The following HSDL1 variants were observed in gnomAD, a reference collection of about 807,000 sequenced individuals.
HSDL1 encodes the protein hydroxysteroid dehydrogenase like 1.
A neutral mutation model predicts 31.5 loss-of-function variants in HSDL1; 29 were observed. The ratio of observed to expected loss-of-function variants is 0.92; its 90% confidence interval spans 0.69 to 1.26. The LOEUF (loss-of-function observed/expected upper bound fraction) is 1.26. HSDL1 is among the 50% of genes most tolerant of loss of function. HSDL1 has a pLI of 0.00. For missense variants in HSDL1, 503 were observed against 416.6 expected (o/e 1.21, Z -1.81); for synonymous variants, 222 against 155.2 (o/e 1.43, Z -3.20).
Position 84,129,595 on chromosome 16 carries a change from G to C in HSDL1, c.847C>G (p.Leu283Val). 1 of 1,614,194 alleles carries C rather than the reference G, an allele frequency of 6.2e-7. No homozygotes were observed. The highest frequency in any genetic ancestry group is 1.3e-5 in the African/African-American group (1 of 75,052). ...CCTGTGGTCCTTTTGGAAATCCCAA[G>C]AGTAGAAACAGCATGATGTGCATAG... ...KVYAHHAVST[L>V]GISKRTTGYW... Residue 283 changes from leucine to valine, a missense_variant, in exon 5 of 6, where the codon CTT becomes GTT. Physicochemically the swap from Leu to Val is conservative, Grantham distance 32. Coordinates refer to ENST00000219439, the MANE Select transcript of HSDL1 (RefSeq NM_031463.5).
intron 5 of HSDL1, 119 bp from the exon 6 acceptor site, chr16:84,124,847 CAACA>C: frequency 1.6e-6 from 1 of 632,836 alleles, no homozygotes; most frequent in South Asian, 1.8e-5. Context: ...CAATCAATCA[CAACA>C]AATACCCACC....
chr16:84,125,524 C>T (rs1197909269), intron 5 of HSDL1, among the ~76,000 whole-genome samples: 1 of 150,766 alleles, frequency 6.6e-6, no homozygotes, highest in Non-Finnish European at 1.5e-5. Context: ...CAATAAATAC[C>T]CACCGATCAA....
rs904950802 is a variant in HSDL1, at chr16:84,135,585, C to T, written c.-48G>A. The T allele has an allele frequency of 4.6e-5, 7 of 152,194 alleles. No individual in the cohort carries two copies. Among genetic ancestry groups the T allele is most frequent in the African/African-American group, 7.2e-5 (3 of 41,442 alleles). 9.4% of individuals were successfully genotyped at this position (152,194 alleles called of 1,614,324 possible). A position where few individuals can be genotyped will look rare whatever the true frequency, so the allele number is the denominator to read the frequency against. ...CTGGGCCGTCAGCAGTATGTGGCTC[C>T]GTCCTTCTCTTAAGGCCAATCTGTG... On this transcript the variant is annotated 5_prime_UTR_variant, in exon 2 of 6. Coordinates refer to ENST00000219439, the MANE Select transcript of HSDL1 (RefSeq NM_031463.5).
Position 84,136,836 on chromosome 16 carries a change from T to G in HSDL1, c.-68-1231A>C, listed in dbSNP as rs539799782. On this transcript the variant is annotated intron_variant, in intron 1 of 5. Coordinates refer to ENST00000219439, the MANE Select transcript of HSDL1 (RefSeq NM_031463.5). The stretch of plus-strand genomic sequence containing the variant: ...GGGGCTGATGGCATTCAAGGTCTGG[T>G]CCTCAGCCTTGATGGATAGAAACCC... Among the ~76,000 whole-genome samples, 4 of 152,330 alleles carry G rather than the reference T, an allele frequency of 2.6e-5. No individual in the cohort carries two copies. The East Asian group carries it at 7.7e-4, about 29-fold the overall frequency.
chr16:84,130,441 A>G lies in HSDL1; in HGVS notation c.221-10T>C. ...ATCCCATCTGTTGCACCTAGGATGC[A>G]AGTCAGGAAAAGTGAGCATGTGTAT... On this transcript the variant is annotated splice_polypyrimidine_tract_variant and intron_variant, in intron 3 of 5. Transcript: ENST00000219439. 1 of 1,591,994 alleles carries G rather than the reference A, an allele frequency of 6.3e-7. No individual in the cohort carries two copies. Among genetic ancestry groups the G allele is most frequent in the South Asian group, 1.1e-5 (1 of 87,920 alleles).
At chr16:84,134,566 T>G (rs2086696213) in intron 2 of HSDL1, among the ~76,000 whole-genome samples, 1 of 151,784 alleles carries the variant, frequency 6.6e-6, no homozygotes, top group African/African-American at 2.4e-5. Flanking sequence ...GAGCCAAGAT[T>G]GCACCACTGC....
chr16:84,141,091 AAAC>A (rs1368515069), intron 1 of HSDL1, among the ~76,000 whole-genome samples: 4 of 143,820 alleles, frequency 2.8e-5, no homozygotes, highest in African/African-American at 1.2e-4. Context: ...ACTCCGTCTC[AAAC>A]AAAAAAAAAA....
At chr16:84,140,830 G>A (rs1348958584) in intron 1 of HSDL1, among the ~76,000 whole-genome samples, 1 of 152,062 alleles carries the variant, frequency 6.6e-6, no homozygotes, top group Non-Finnish European at 1.5e-5. Flanking sequence ...CTGGCCGGGC[G>A]CGGTGGCTCA....
rs189173539 is a variant in HSDL1, at chr16:84,141,965, T to C, written c.-69+3115A>G. Among the ~76,000 whole-genome samples the C allele has an allele frequency of 5.3e-5, 8 of 152,376 alleles. No homozygotes were observed. In the East Asian group the frequency reaches 1.3e-3, roughly 26 times the overall value. Reference sequence around the variant, plus strand: ...ATTATTGAGACAAGGTCTGGCTCTATTGCCCAGCCTGATGTGCAGTGGCAT... The same window carrying C: ...ATTATTGAGACAAGGTCTGGCTCTACTGCCCAGCCTGATGTGCAGTGGCAT... On this transcript the variant is annotated intron_variant, in intron 1 of 5. Coordinates refer to ENST00000219439, the MANE Select transcript of HSDL1 (RefSeq NM_031463.5).
rs552959649 is a variant in HSDL1 at position 84,131,527 on chromosome 16, A to G, written c.-6-200T>C. Among the ~76,000 whole-genome samples, 28 of 149,336 alleles carry G rather than the reference A, an allele frequency of 1.9e-4. No homozygotes were observed. The East Asian group carries it at 5.5e-3, about 29-fold the overall frequency. On this transcript the variant is annotated intron_variant, in intron 2 of 5. Coordinates refer to ENST00000219439, the MANE Select transcript of HSDL1 (RefSeq NM_031463.5). Reference sequence around the variant, plus strand: ...TATCTATCTATCTATCTATCTATCTATCTATCAGACAGAGTCTCACCCTGT... The same window carrying G: ...TATCTATCTATCTATCTATCTATCTGTCTATCAGACAGAGTCTCACCCTGT...
Position 84,124,363 on chromosome 16 carries a change from C to T in HSDL1, c.*267G>A. ...CTGTGGCTCTAGAACAACAGAAAAG[C>T]GTAACTTTCAAACAGCTTAGGGAAA... is the stretch of plus-strand genomic sequence containing the variant. On this transcript the variant is annotated 3_prime_UTR_variant, in exon 6 of 6. Coordinates refer to ENST00000219439, the MANE Select transcript of HSDL1 (RefSeq NM_031463.5). 1 of 280,490 alleles carries T rather than the reference C, an allele frequency of 3.6e-6. No homozygotes were observed. The highest frequency in any genetic ancestry group is 6.9e-6 in the Non-Finnish European group (1 of 145,316). 17.4% of individuals were successfully genotyped at this position (280,490 alleles called of 1,614,324 possible).
chr16:84,145,169 C>T lies in HSDL1; in HGVS notation c.-158G>A, dbSNP rs1181104619. 4 of 253,630 alleles carry T rather than the reference C, an allele frequency of 1.6e-5. No homozygotes were observed. Among genetic ancestry groups the T allele is most frequent in the East Asian group, 1.6e-4 (2 of 12,542 alleles). 15.7% of individuals were successfully genotyped at this position (253,630 alleles called of 1,614,324 possible). ...GGCCGCCGGAGCTGCTGCCGCGCCG[C>T]GCCCTCACGTGACCCGCGTACGCGC... On this transcript the variant is annotated 5_prime_UTR_variant, in exon 1 of 6. Transcript: ENST00000219439.
chr16:84,132,117 C>A (rs2086675452), intron 2 of HSDL1, among the ~76,000 whole-genome samples: 1 of 152,246 alleles, frequency 6.6e-6, no homozygotes, highest in African/African-American at 2.4e-5. Flanking sequence ...CATGCTGTGG[C>A]TACAGAGATA....
In HSDL1 at chr16:84,122,270, G is replaced by T. The variant is rs1555515943; in HGVS notation, c.*2360C>A. The T allele has an allele frequency of 6.6e-6, 1 of 152,092 alleles. No homozygotes were observed. The highest frequency in any genetic ancestry group is 1.5e-5 in the Non-Finnish European group (1 of 67,980). 9.4% of individuals were successfully genotyped at this position (152,092 alleles called of 1,614,324 possible). A position where few individuals can be genotyped will look rare whatever the true frequency, so the allele number is the denominator to read the frequency against. On this transcript the variant is annotated 3_prime_UTR_variant, in exon 6 of 6. Transcript: ENST00000219439. ...CAAACAACCAAATTACAAACATCTGGAACAAAACTCTTCCAAAGGAAACAA... is the reference window on the plus strand; with the variant it reads ...CAAACAACCAAATTACAAACATCTGTAACAAAACTCTTCCAAAGGAAACAA...
At chr16:84,133,497 T>C (rs772612626) in intron 2 of HSDL1, among the ~76,000 whole-genome samples, 1 of 152,150 alleles carries the variant, frequency 6.6e-6, no homozygotes, top group African/African-American at 2.4e-5. Context: ...TCCCAGCACT[T>C]TGGGAGGCCA....
intron 5 of HSDL1, among the ~76,000 whole-genome samples, chr16:84,127,932 G>C (rs781338883): frequency 2.0e-5 from 3 of 150,472 alleles, no homozygotes; most frequent in Non-Finnish European, 4.4e-5. Context: ...TGTTAGCCAG[G>C]ATGGTCTCGA....
In HSDL1 at chr16:84,123,724, A is replaced by C. The variant is rs1000367900; in HGVS notation, c.*906T>G. On this transcript the variant is annotated 3_prime_UTR_variant, in exon 6 of 6. Transcript: ENST00000219439. ...AGGAAAACCAGATATAACAAGCTCT[A>C]AAGGGCTAAATTTCAGTTATAAAAT... 2 of 152,606 alleles carry C rather than the reference A, an allele frequency of 1.3e-5. No homozygotes were observed. The highest frequency in any genetic ancestry group is 4.8e-5 in the African/African-American group (2 of 41,460). The allele number at this position is 152,606 out of a possible 1,614,324, so 9.5% of individuals were successfully genotyped here. A position where few individuals can be genotyped will look rare whatever the true frequency, so the allele number is the denominator to read the frequency against.
At chr16:84,139,506 G>A (rs1406532125) in intron 1 of HSDL1, among the ~76,000 whole-genome samples, 4 of 152,184 alleles carry the variant, frequency 2.6e-5, no homozygotes, top group African/African-American at 9.7e-5. Flanking sequence ...AGCCTCCAGA[G>A]GAACACAGCC....
intron 2 of HSDL1, among the ~76,000 whole-genome samples, chr16:84,134,712 C>G (rs1256668666): frequency 6.6e-6 from 1 of 152,064 alleles, no homozygotes; most frequent in Admixed American, 6.5e-5. Context: ...AGTGTGGGTG[C>G]CTTTTGTCAT....
Sources: gnomAD v4.1 joint callset for allele counts (sites outside exome capture counted in the v4.1 genomes callset) on GRCh38, gnomAD v4.1.1 for gene constraint, MANE v1.5 for transcripts, NCBI Gene and HGNC (gene_info 2026-07-23, HGNC 2026-07-21) for gene names.